Variants in GIT2 observed in about 807,000 individuals in gnomAD.
GIT2 encodes the protein GIT ArfGAP 2.
A neutral mutation model predicts 100.3 loss-of-function variants in GIT2; 32 were observed. The observed-to-expected ratio is 0.32, with a 90% CI of 0.24 to 0.43. GIT2 has a LOEUF of 0.43. GIT2 is among the 20% of genes least tolerant of loss of function. The pLI is 1.00. For missense variants in GIT2, 737 were observed against 975.1 expected, an observed-to-expected ratio of 0.76 and a Z score of 3.25; for synonymous variants, 353 against 364.1, an observed-to-expected ratio of 0.97 and a Z score of 0.35.
intron 7 of GIT2, among the ~76,000 whole-genome samples, chr12:109,976,846 GC>G (rs1885202187): frequency 1.3e-5 from 2 of 150,902 alleles, no homozygotes; most frequent in African/African-American, 4.9e-5. Context: ...GCCTCGGCCT[GC>G]CAAAGTGCTG....
intron 16 of GIT2, chr12:109,943,035 T>G (rs1286980206): frequency 2.0e-5 from 3 of 152,214 alleles, no homozygotes; most frequent in African/African-American, 2.4e-5. Context: ...TTTAATAGGT[T>G]TGCAGTTTTC....
chr12:109,945,702 TATCA>T (rs1451019291), intron 15 of GIT2, among the ~76,000 whole-genome samples: 1 of 152,252 alleles, frequency 6.6e-6, no homozygotes, highest in African/African-American at 2.4e-5. Context: ...TGCTATACAC[TATCA>T]ATCTAATTTT....
intron 12 of GIT2, among the ~76,000 whole-genome samples, chr12:109,957,891 G>A (rs1879932651): frequency 6.6e-6 from 1 of 152,064 alleles, no homozygotes; most frequent in South Asian, 2.1e-4. Context: ...ATACCTAAGA[G>A]TGGAATTATC....
At chr12:109,967,304 G>A (rs777138397) in intron 8 of GIT2, 154 bp downstream of exon 8, 6 of 1,589,902 alleles carry the variant, frequency 3.8e-6, no homozygotes, top group Non-Finnish European at 5.1e-6. Context: ...TTATATAGTG[G>A]TTTACTTACA....
rs149158681 is a variant in GIT2, at chr12:109,947,374, C to T, written c.1523G>A (p.Arg508Gln). The T allele has an allele frequency of 1.4e-5, 22 of 1,614,022 alleles. No homozygotes were observed. The highest frequency in any genetic ancestry group is 1.1e-4 in the East Asian group (5 of 44,900). The change falls in exon 15 of 20, where the codon CGG becomes CAG. Residue 508 changes from arginine to glutamine, a missense_variant. Physicochemically the swap from Arg to Gln is conservative, Grantham distance 43 (BLOSUM62 1). This residue lies in a region of GIT2 where 451 missense variants were observed against 543.7 expected (regional missense o/e 0.83). Transcript: ENST00000355312. This position sits in a 1 kb window ranked among gnomAD's most constrained non-coding sequence, Gnocchi z 4.3. ...GTACATGGACATGGGCCTACTGCCC[C>T]GGGCAGACGGACGTCTCTTTAAGGA... ...HSSLKRRPSA[R>Q]GSRPMSMYET...
chr12:109,991,842 G>T, intron 1 of GIT2, 82 bp from the exon 2 acceptor site: 1 of 1,292,598 alleles, frequency 7.7e-7, no homozygotes, highest in Non-Finnish European at 1.1e-6. Context: ...CTGAAGTTTG[G>T]TTTGTCAGAA....
intron 9 of GIT2, 65 bp downstream of exon 9, chr12:109,965,461 G>A: frequency 1.1e-6 from 1 of 875,582 alleles, no homozygotes; most frequent in Non-Finnish European, 1.9e-6. Flanking sequence ...CCTGCATTCA[G>A]AGTAGGTATC....
intron 4 of GIT2, among the ~76,000 whole-genome samples, chr12:109,986,590 T>C (rs2136895243): frequency 6.6e-6 from 1 of 151,976 alleles, no homozygotes; most frequent in East Asian, 1.9e-4. Context: ...CAGTAAAACC[T>C]CGTCTCTACT....
chr12:109,940,530 T>C (rs1167800983), intron 16 of GIT2: 2 of 152,148 alleles, frequency 1.3e-5, no homozygotes, highest in Non-Finnish European at 2.9e-5. Flanking sequence ...TTTAAACATA[T>C]GGAAACCCTG....
intron 9 of GIT2, among the ~76,000 whole-genome samples, chr12:109,963,801 G>A (rs1881619096): frequency 6.6e-6 from 1 of 152,178 alleles, no homozygotes; most frequent in Non-Finnish European, 1.5e-5. Context: ...AGACCACAGG[G>A]TGAGGGTCAA....
rs372175273 is a variant in GIT2 at position 109,971,942 on chromosome 12, C to T, written c.719-4439G>A. Among the ~76,000 whole-genome samples, 41 of 150,448 alleles carry T rather than the reference C, an allele frequency of 2.7e-4. 1 individual carries two copies. Among genetic ancestry groups the T allele is most frequent in the African/African-American group, 8.5e-4 (35 of 40,954 alleles). ...CCGGGAGGCGGAGGTTGCAGTGAGC[C>T]GAGATCACACCACTGCACTCCAGCC... is the stretch of plus-strand genomic sequence containing the variant. On this transcript the variant is annotated intron_variant, in intron 7 of 19. Transcript: ENST00000355312.
chr12:109,943,642 A>C (rs1296214446), intron 16 of GIT2, among the ~76,000 whole-genome samples: 1 of 151,626 alleles, frequency 6.6e-6, no homozygotes, highest in Non-Finnish European at 1.5e-5. Flanking sequence ...CCGAGACTTT[A>C]AGTACAATGT....
At chr12:109,975,653 T>C (rs1289618234) in intron 7 of GIT2, among the ~76,000 whole-genome samples, 1 of 152,176 alleles carries the variant, frequency 6.6e-6, no homozygotes, top group Non-Finnish European at 1.5e-5. Context: ...CCTTAGTTTT[T>C]TGTTCTCCCC....
intron 14 of GIT2, among the ~76,000 whole-genome samples, chr12:109,949,207 A>AT (rs1259576307): frequency 2.0e-5 from 3 of 152,262 alleles, no homozygotes; most frequent in Non-Finnish European, 4.4e-5. Context: ...ACAGACAGGC[A>AT]TGAAGTGCCT....
At chr12:109,961,579 CAG>C in intron 10 of GIT2, 32 bp downstream of exon 10, 1 of 1,396,844 alleles carries the variant, frequency 7.2e-7, no homozygotes, top group Non-Finnish European at 1.0e-6. Flanking sequence ...CCACTGATAA[CAG>C]AAGCTTATTA....
intron 8 of GIT2, among the ~76,000 whole-genome samples, chr12:109,966,876 G>C (rs1882621554): frequency 6.6e-6 from 1 of 152,226 alleles, no homozygotes; most frequent in Non-Finnish European, 1.5e-5. Flanking sequence ...TTGTTCAGTT[G>C]AGCTAGGAAT....
At chr12:109,978,273 G>A (rs1338275086) in intron 7 of GIT2, among the ~76,000 whole-genome samples, 3 of 151,698 alleles carry the variant, frequency 2.0e-5, no homozygotes, top group African/African-American at 7.3e-5. Context: ...AGTAGAGATG[G>A]GGTTTCACCA....
Position 109,959,945 on chromosome 12 carries a change from AACTTCTG to A in GIT2, c.994_1000del (p.Gln332Ter). 1 of 1,611,424 alleles carries A rather than the reference AACTTCTG, an allele frequency of 6.2e-7. No individual in the cohort carries two copies. The highest frequency in any genetic ancestry group is 8.5e-7 in the Non-Finnish European group (1 of 1,177,542). On this transcript the variant is annotated frameshift_variant, in exon 12 of 20. Transcript: ENST00000355312. LOFTEE classifies it high-confidence loss of function. ...AAACTCATGGGCGTTGAACCGAGCTAACTTCTGTCTGCCCTAAAGGTGGGAAAATAAT... is the reference window on the plus strand; with the variant it reads ...AAACTCATGGGCGTTGAACCGAGCTATCTGCCCTAAAGGTGGGAAAATAAT...
rs950041896 is a variant in GIT2 at position 109,947,568 on chromosome 12, A to G, written c.1393-64T>C. The stretch of plus-strand genomic sequence containing the variant: ...CAGCAAGCAGAAAAAGCAAACACCA[A>G]GTAAATGAATACAACTACCAGTTTT... On this transcript the variant is annotated intron_variant, in intron 14 of 19. Coordinates refer to ENST00000355312, the MANE Select transcript of GIT2 (RefSeq NM_057169.5). The surrounding 1 kb of genome is among the most constrained non-coding windows in gnomAD (Gnocchi z 4.3). The G allele has an allele frequency of 2.0e-6, 3 of 1,467,816 alleles. No individual in the cohort carries two copies. The highest frequency in any genetic ancestry group is 3.6e-5 in the Admixed American group (2 of 55,106). The allele number at this position is 1,467,816 out of a possible 1,614,324, so 90.9% of individuals were successfully genotyped here.
Sources: gnomAD v4.1 joint callset for allele counts (sites outside exome capture counted in the v4.1 genomes callset) on GRCh38, gnomAD v4.1.1 for gene constraint, gnomAD v4.1.1 regional missense constraint, Gnocchi (gnomAD v3.1) non-coding constraint, MANE v1.5 for transcripts, NCBI Gene and HGNC (gene_info 2026-07-23, HGNC 2026-07-21) for gene names.